The following USP20 variants were observed in gnomAD, a reference collection of about 807,000 sequenced individuals.
The protein encoded by USP20 is ubiquitin specific peptidase 20, also known as ubiquitin carboxyl-terminal hydrolase 20.
Under a neutral mutation model 124.2 loss-of-function variants are expected in USP20, and 80 were observed. That is an observed-to-expected ratio of 0.64 (90% CI 0.54 to 0.78). The LOEUF (loss-of-function observed/expected upper bound fraction) is 0.78. Among genes scored for constraint, USP20 ranks in the 30% least tolerant of loss-of-function variants. The pLI is 0.00. For synonymous variants in USP20, 481 were observed against 512.3 expected (o/e 0.94, Z 0.83); for missense variants, 1,043 against 1,244.4 (o/e 0.84, Z 2.44).
rs1222482935 is a variant in USP20 at position 129,839,511 on chromosome 9, G to T, written c.-129+4012G>T. Among the ~76,000 whole-genome samples, 3 of 152,078 alleles carry T rather than the reference G, an allele frequency of 2.0e-5. No homozygotes were observed. Among genetic ancestry groups the T allele is most frequent in the Non-Finnish European group, 4.4e-5 (3 of 68,026 alleles). On this transcript the variant is annotated intron_variant, in intron 1 of 25. Transcript: ENST00000372429. The surrounding 1 kb of genome is among the most constrained non-coding windows in gnomAD (Gnocchi z 4.5). ...GTTAAGGGAAGGGGTGGGTGTGTCTGGGACTTAGGGAGAATGCTGTTGTGT... is the reference window on the plus strand; with the variant it reads ...GTTAAGGGAAGGGGTGGGTGTGTCTTGGACTTAGGGAGAATGCTGTTGTGT...
At chr9:129,861,196 T>C (rs1001478316) in intron 7 of USP20, among the ~76,000 whole-genome samples, 163 bp downstream of exon 7, 3 of 152,198 alleles carry the variant, frequency 2.0e-5, no homozygotes, top group Admixed American at 6.5e-5. Flanking sequence ...ACCCCAGAAG[T>C]TGGCTGGCCT....
chr9:129,850,904 T>C (rs2032881370), intron 2 of USP20, among the ~76,000 whole-genome samples: 1 of 152,164 alleles, frequency 6.6e-6, no homozygotes, highest in Non-Finnish European at 1.5e-5. Flanking sequence ...TCTGCCCGCC[T>C]CGGCCTCCCA....
intron 15 of USP20, among the ~76,000 whole-genome samples, chr9:129,871,118 T>A (rs1250678711): frequency 1.3e-5 from 2 of 152,120 alleles, no homozygotes; most frequent in Non-Finnish European, 2.9e-5. Context: ...TCCTCCCCAT[T>A]CATCTCCAGA....
rs780211905 is a variant in USP20, at chr9:129,875,332, C to T, written c.2071C>T (p.Arg691Trp). ...CAGGAAGAGCAGCGAGGAGGCCATG[C>T]GGGAGCGACAGCAGGTGGTGTCCCT... ...FYRKSSEEAM[R>W]ERQQVVSLAA... Residue 691 changes from arginine to tryptophan, a missense_variant, in exon 20 of 26, where the codon CGG (arginine) becomes TGG (tryptophan). Arg to Trp is a moderately radical substitution (Grantham distance 101, BLOSUM62 -3). Coordinates refer to ENST00000372429, the MANE Select transcript of USP20 (RefSeq NM_001110303.4). 56 of 1,610,560 alleles carry T rather than the reference C, an allele frequency of 3.5e-5. No individual in the cohort carries two copies. In the South Asian group the frequency reaches 4.1e-4, roughly 12 times the overall value.
intron 1 of USP20, among the ~76,000 whole-genome samples, chr9:129,845,826 T>G (rs1455084141): frequency 1.3e-5 from 2 of 152,218 alleles, no homozygotes; most frequent in Non-Finnish European, 2.9e-5. Flanking sequence ...CTTGACTCTA[T>G]CCTCCAGAAA....
At chr9:129,860,552 A>G (rs2033488539) in intron 6 of USP20, among the ~76,000 whole-genome samples, 1 of 152,094 alleles carries the variant, frequency 6.6e-6, no homozygotes, top group African/African-American at 2.4e-5. Context: ...GTAGTTTGAG[A>G]CCAGCCTGGG....
In USP20 at chr9:129,879,747, G is replaced by GCCTGACTCTA; in HGVS notation, c.2584+103_2584+104insCCTGACTCTA. The GCCTGACTCTA allele has an allele frequency of 7.5e-7, 1 of 1,334,132 alleles. No individual in the cohort carries two copies. Among genetic ancestry groups the GCCTGACTCTA allele is most frequent in the Non-Finnish European group, 1.1e-6 (1 of 944,354 alleles). The allele number at this position is 1,334,132 out of a possible 1,614,324, so 82.6% of individuals were successfully genotyped here. A position where few individuals can be genotyped will look rare whatever the true frequency, so the allele number is the denominator to read the frequency against. ...AGGAGCCCCCTTACCACCTGTCTTA[G>GCCTGACTCTA]AGTCAGGCTGAGACGTCCACCTGAG... On this transcript the variant is annotated intron_variant, in intron 24 of 25. Coordinates refer to ENST00000372429, the MANE Select transcript of USP20 (RefSeq NM_001110303.4). The surrounding 1 kb of genome is among the most constrained non-coding windows in gnomAD (Gnocchi z 4.2).
Position 129,865,763 on chromosome 9 carries a change from C to T in USP20, c.690+382C>T, listed in dbSNP as rs1266311121. 5.9e-5 allele frequency among the ~76,000 whole-genome samples: 9 copies of T among 152,074 alleles called. No individual in the cohort carries two copies. In the South Asian group the frequency reaches 1.7e-3, roughly 28 times the overall value. ...TACTGCACCCTCGACCTCCCGGGCT[C>T]AAGCAGTCGTCCCACCTCAGGCTCC... is the stretch of plus-strand genomic sequence containing the variant. On this transcript the variant is annotated intron_variant, in intron 10 of 25. Transcript: ENST00000372429.
chr9:129,839,667 G>A lies in USP20; in HGVS notation c.-129+4168G>A, dbSNP rs898211597. On this transcript the variant is annotated intron_variant, in intron 1 of 25. Coordinates refer to ENST00000372429, the MANE Select transcript of USP20 (RefSeq NM_001110303.4). The surrounding 1 kb of genome is among the most constrained non-coding windows in gnomAD (Gnocchi z 4.5). ...TGGCTAATGTGGTTGGGGTCAGCGT[G>A]GGCAGGGCTGTGGGCATCGTTGTGT... Among the ~76,000 whole-genome samples the A allele has an allele frequency of 1.3e-5, 2 of 152,086 alleles. No individual in the cohort carries two copies. Among genetic ancestry groups the A allele is most frequent in the African/African-American group, 4.8e-5 (2 of 41,394 alleles).
At position 129,869,769 on chromosome 9, in the gene USP20, C is replaced by T. The variant is rs376148934; in HGVS notation, c.1490C>T (p.Pro497Leu). The T allele has an allele frequency of 3.2e-5, 51 of 1,614,036 alleles. No homozygotes were observed. In the African/African-American group the frequency reaches 4.1e-4, roughly 13 times the overall value. ...KLHSAIYQNV[P>L]AKPGACGDSY... ...CATTCAGCCATCTACCAGAATGTGC[C>T]GGCCAAGCCAGGCGCCTGTGGGGAC... is the stretch of plus-strand genomic sequence containing the variant. The change falls in exon 14 of 26, where the codon CCG (proline) becomes CTG (leucine). Residue 497 changes from proline to leucine, a missense_variant. Coordinates refer to ENST00000372429, the MANE Select transcript of USP20 (RefSeq NM_001110303.4).
rs745666085 is a variant in USP20 at position 129,869,770 on chromosome 9, G to C, written c.1491G>C (p.Pro497=). 3.0e-5 allele frequency: 48 copies of C among 1,613,916 alleles called. No homozygotes were observed. The East Asian group carries it at 1.0e-3, about 34-fold the overall frequency. Residue 497 remains proline (P), a synonymous_variant, in exon 14 of 26, where the codon CCG becomes CCC. Transcript: ENST00000372429. ...KLHSAIYQNV[P]AKPGACGDSY... ...ATTCAGCCATCTACCAGAATGTGCC[G>C]GCCAAGCCAGGCGCCTGTGGGGACA...
At position 129,848,320 on chromosome 9, in the gene USP20, T is replaced by C. The variant is rs76443335; in HGVS notation, c.-128-1493T>C. On this transcript the variant is annotated intron_variant, in intron 1 of 25. Transcript: ENST00000372429. The stretch of plus-strand genomic sequence containing the variant: ...TCAAGCAAAACAAAACAAAAAAAAC[T>C]AGCCAGGTGATTGACCTCTGCCAAG... 1.8e-4 allele frequency among the ~76,000 whole-genome samples: 27 copies of C among 152,102 alleles called. 1 individual carries two copies. The East Asian group carries it at 5.0e-3, about 28-fold the overall frequency.
chr9:129,873,333 C>T, intron 15 of USP20, 149 bp from the exon 16 acceptor site: 2 of 935,986 alleles, frequency 2.1e-6, no homozygotes, highest in Admixed American at 4.1e-5. Context: ...ATCCGCCCGC[C>T]TCGGCCTCCC....
chr9:129,867,877 A>G (rs1276790639), intron 10 of USP20, 128 bp from the exon 11 acceptor site: 2 of 1,161,158 alleles, frequency 1.7e-6, no homozygotes, highest in South Asian at 1.6e-5. Context: ...GGGGTGAGCA[A>G]CTCTTCTGCA....
At position 129,856,311 on chromosome 9, in the gene USP20, C is replaced by G. The variant is rs200105603; in HGVS notation, c.86C>G (p.Thr29Ser). The G allele has an allele frequency of 5.6e-6, 9 of 1,614,186 alleles. No homozygotes were observed. In the East Asian group the frequency reaches 1.8e-4, roughly 32 times the overall value. ...KEDLLLKSKGTCQSCGVTGPN... is the reference protein window; with the variant it reads ...KEDLLLKSKGSCQSCGVTGPN... ...CTCTCCTCTCAACTCACACAGGGAA[C>G]CTGTCAGTCGTGTGGGGTCACCGGA... The change falls in exon 4 of 26, where the codon ACC (threonine) becomes AGC (serine). Residue 29 changes from threonine to serine, a missense_variant. Coordinates refer to ENST00000372429, the MANE Select transcript of USP20 (RefSeq NM_001110303.4).
intron 15 of USP20, among the ~76,000 whole-genome samples, chr9:129,871,400 G>C (rs2034122312): frequency 6.6e-6 from 1 of 152,136 alleles, no homozygotes; most frequent in Admixed American, 6.5e-5. Context: ...TGGATGGCTG[G>C]GGCCTTTCTG....
Position 129,880,163 on chromosome 9 carries a change from C to G in USP20, c.2635C>G (p.Leu879Val). Residue 879 changes from leucine to valine, a missense_variant, in exon 25 of 26, where the codon CTG becomes GTG. By Grantham distance (32) the Leu-to-Val change is conservative. Coordinates refer to ENST00000372429, the MANE Select transcript of USP20 (RefSeq NM_001110303.4). ...GGAGACCTGGACCTACCTGAACAGC[C>G]TGTATGGAGGTGGCCCCGAGATTGC... is the stretch of plus-strand genomic sequence containing the variant. The part of the protein sequence containing the change: ...SEETWTYLNS[L>V]YGGGPEIAIR... The G allele has an allele frequency of 6.2e-7, 1 of 1,613,986 alleles. No individual in the cohort carries two copies. The highest frequency in any genetic ancestry group is 8.5e-7 in the Non-Finnish European group (1 of 1,180,032).
chr9:129,865,444 G>A (rs913320), intron 10 of USP20, 63 bp downstream of exon 10: 1,403,746 of 1,575,286 alleles, frequency 0.89, 626,564 homozygotes, highest in East Asian at 0.97. Flanking sequence ...TGACTTTGAC[G>A]CCAAAACCAG....
intron 15 of USP20, 123 bp from the exon 16 acceptor site, chr9:129,873,359 C>T (rs1470210191): frequency 3.2e-6 from 4 of 1,232,646 alleles, no homozygotes; most frequent in East Asian, 4.7e-5. Flanking sequence ...GCTAGGATTA[C>T]ACGCATGAGC....
Sources: gnomAD v4.1 joint callset for allele counts (sites outside exome capture counted in the v4.1 genomes callset) on GRCh38, gnomAD v4.1.1 for gene constraint, Gnocchi (gnomAD v3.1) non-coding constraint, MANE v1.5 for transcripts, NCBI Gene and HGNC (gene_info 2026-07-23, HGNC 2026-07-21) for gene names.